Variants in C1QTNF3 observed in about 807,000 individuals in gnomAD.
The protein encoded by C1QTNF3 is complement C1q tumor necrosis factor-related protein 3.
Under a neutral mutation model 32.6 loss-of-function variants are expected in C1QTNF3, and 26 were observed. The observed-to-expected ratio is 0.80, with a 90% CI of 0.58 to 1.11. The LOEUF (loss-of-function observed/expected upper bound fraction) is 1.11. Ranked by LOEUF, C1QTNF3 falls within the 50% of genes least tolerant of loss-of-function variation. The pLI is 0.00. For missense variants in C1QTNF3, 362 were observed against 398.2 expected (o/e 0.91, Z 0.77); for synonymous variants, 155 against 146.0 (o/e 1.06, Z -0.44).
chr5:34,077,827 G>C, the C1QTNF3 span, among the ~76,000 whole-genome samples: 2 of 151,412 alleles, frequency 1.3e-5, no homozygotes, highest in African/African-American at 2.5e-5. Context: ...GCCACCTCAA[G>C]AGCAGAGGGC....
At chr5:34,146,810 G>A in the C1QTNF3 span, among the ~76,000 whole-genome samples, 1 of 152,172 alleles carries the variant, frequency 6.6e-6, no homozygotes, top group Admixed American at 6.5e-5. Context: ...GTAATTGACA[G>A]GTGTGATGTA....
the C1QTNF3 span, among the ~76,000 whole-genome samples, chr5:34,050,244 A>G: frequency 1.3e-5 from 2 of 152,152 alleles, no homozygotes. Context: ...CACCCCAGTT[A>G]GCCAGTTACT....
the C1QTNF3 span, among the ~76,000 whole-genome samples, chr5:34,050,144 C>G: frequency 8.5e-5 from 13 of 152,164 alleles, no homozygotes; most frequent in Non-Finnish European, 1.8e-4. Context: ...ATAGGATAAG[C>G]CTTTTTGAAT....
chr5:34,065,954 A>C, the C1QTNF3 span, among the ~76,000 whole-genome samples: 1 of 152,224 alleles, frequency 6.6e-6, no homozygotes, highest in African/African-American at 2.4e-5. Flanking sequence ...GATGGACTGA[A>C]TAAAGAAAAT....
chr5:34,223,367 G>A, the C1QTNF3 span, among the ~76,000 whole-genome samples: 1 of 149,282 alleles, frequency 6.7e-6, no homozygotes, highest in Non-Finnish European at 1.5e-5. Flanking sequence ...TTTTATGGCT[G>A]CATAGTATTC....
the C1QTNF3 span, among the ~76,000 whole-genome samples, chr5:34,051,931 G>T: frequency 6.6e-6 from 1 of 152,230 alleles, no homozygotes; most frequent in Non-Finnish European, 1.5e-5. Flanking sequence ...CAGAGTCTCT[G>T]TCAGCCTGGG....
chr5:34,148,292 A>G, the C1QTNF3 span, among the ~76,000 whole-genome samples: 7 of 134,058 alleles, frequency 5.2e-5, no homozygotes, highest in African/African-American at 2.0e-4. Context: ...GGCGCCCGCC[A>G]TTGCCCAGGC....
chr5:34,033,540 A>G, intron 2 of C1QTNF3, 82 bp from the exon 3 acceptor site: 1 of 1,561,908 alleles, frequency 6.4e-7, no homozygotes, highest in Admixed American at 1.7e-5. Flanking sequence ...ATCCAAACTC[A>G]ATTATGAAAG....
the C1QTNF3 span, among the ~76,000 whole-genome samples, chr5:34,102,606 A>C: frequency 6.6e-6 from 1 of 152,152 alleles, no homozygotes; most frequent in Admixed American, 6.6e-5. Context: ...ATAATAAAAA[A>C]GTAAAAAAGA....
chr5:34,092,575 T>A, the C1QTNF3 span, among the ~76,000 whole-genome samples: 2 of 147,156 alleles, frequency 1.4e-5, no homozygotes, highest in African/African-American at 2.7e-5. Context: ...ATGTGTGAAT[T>A]GCATTAGTTC....
chr5:34,022,851 GTTT>G (rs1361223280), intron 5 of C1QTNF3, among the ~76,000 whole-genome samples: 1 of 151,972 alleles, frequency 6.6e-6, no homozygotes, highest in Admixed American at 6.6e-5. Context: ...TTGTTTGTTT[GTTT>G]TTTGTTTTGT....
At chr5:34,075,876 GGTGTGTGTGTGT>G in the C1QTNF3 span, among the ~76,000 whole-genome samples, 2 of 146,946 alleles carry the variant, frequency 1.4e-5, no homozygotes, top group African/African-American at 5.1e-5. Context: ...AAACAATTAT[GGTGTGTGTGTGT>G]GTGTGTGTGT....
chr5:34,115,560 C>G, the C1QTNF3 span, among the ~76,000 whole-genome samples: 2 of 152,036 alleles, frequency 1.3e-5, no homozygotes, highest in African/African-American at 4.8e-5. Context: ...GAAACCCCAT[C>G]TCTACTAAAA....
the C1QTNF3 span, among the ~76,000 whole-genome samples, chr5:34,116,082 C>A: frequency 6.6e-6 from 1 of 152,172 alleles, no homozygotes. Context: ...ACATTATATT[C>A]ATCTCAAAGC....
the C1QTNF3 span, among the ~76,000 whole-genome samples, chr5:34,238,555 G>A: frequency 1.1e-4 from 17 of 152,064 alleles, no homozygotes; most frequent in Admixed American, 4.6e-4. Context: ...AGACTGGTTC[G>A]TTCAATCAAC....
At chr5:34,115,827 A>T in the C1QTNF3 span, among the ~76,000 whole-genome samples, 2 of 151,722 alleles carry the variant, frequency 1.3e-5, no homozygotes, top group Non-Finnish European at 1.5e-5. Context: ...GATATATCTT[A>T]GATGTTCTTA....
chr5:34,209,358 C>T, the C1QTNF3 span, among the ~76,000 whole-genome samples: 1 of 151,306 alleles, frequency 6.6e-6, no homozygotes, highest in South Asian at 2.1e-4. Context: ...AATCTGTATA[C>T]CTATTTACCT....
At chr5:34,212,396 T>G in the C1QTNF3 span, among the ~76,000 whole-genome samples, 1 of 151,956 alleles carries the variant, frequency 6.6e-6, no homozygotes, top group African/African-American at 2.4e-5. Context: ...AAGCCAAAAT[T>G]GACAAATGGG....
At chr5:34,100,826 T>C in the C1QTNF3 span, among the ~76,000 whole-genome samples, 4 of 151,124 alleles carry the variant, frequency 2.6e-5, no homozygotes, top group East Asian at 7.7e-4. Context: ...AATTTTAAAG[T>C]ATTGCATTTT....
Sources: allele counts gnomAD v4.1 joint callset (sites outside exome capture counted in the v4.1 genomes callset), GRCh38; gene constraint gnomAD v4.1.1; transcripts MANE v1.5; gene names NCBI Gene and HGNC (gene_info 2026-07-23, HGNC 2026-07-21).